KIAA1671: variants seen among roughly 807,000 people sequenced by gnomAD.
The protein encoded by KIAA1671 is uncharacterized protein KIAA1671.
Under a neutral mutation model 131.2 loss-of-function variants are expected in KIAA1671, and 52 were observed. That is an observed-to-expected ratio of 0.40 (90% CI 0.32 to 0.50). The LOEUF (loss-of-function observed/expected upper bound fraction) is 0.50, where lower values mean the gene tolerates loss of function less well. Ranked by LOEUF, KIAA1671 falls within the 20% of genes least tolerant of loss-of-function variation. The pLI, the probability that KIAA1671 is intolerant of heterozygous loss-of-function variation, is 0.73. For missense variants in KIAA1671, 2,360 were observed against 2,364.2 expected (o/e 1.00, Z 0.04); for synonymous variants, 1,003 against 961.6 (o/e 1.04, Z -0.80).
intron 6 of KIAA1671, among the ~76,000 whole-genome samples, chr22:25,103,459 C>T (rs372020844): frequency 5.3e-5 from 8 of 151,884 alleles, no homozygotes; most frequent in Admixed American, 1.3e-4. Flanking sequence ...CCTAGGTTCA[C>T]GCTATTCTCC....
chr22:25,135,576 C>G (rs769781120), intron 6 of KIAA1671, among the ~76,000 whole-genome samples: 10 of 152,154 alleles, frequency 6.6e-5, no homozygotes, highest in Non-Finnish European at 1.0e-4. Flanking sequence ...TTCCCACTCT[C>G]GAAGTCTAAA....
intron 3 of KIAA1671, among the ~76,000 whole-genome samples, chr22:25,032,330 A>G (rs1344722734): frequency 1.3e-5 from 2 of 152,240 alleles, no homozygotes; most frequent in African/African-American, 4.8e-5. Context: ...ATGAAGAAAC[A>G]GAGGCTCAGG....
In KIAA1671 at chr22:25,092,517, G is replaced by T. The variant is rs116957169; in HGVS notation, c.4530+43153G>T. The stretch of plus-strand genomic sequence containing the variant: ...AGCATTTTTGGTGGAGGCTAACCTC[G>T]TAGGATGGAGAACTGTCAAGCCCAG... On this transcript the variant is annotated intron_variant, in intron 6 of 12. Transcript: ENST00000358431. 2.0e-4 allele frequency among the ~76,000 whole-genome samples: 31 copies of T among 152,284 alleles called. 1 individual carries two copies. Among genetic ancestry groups the T allele is most frequent in the Admixed American group, 2.0e-3 (31 of 15,292 alleles).
At chr22:25,063,620 G>A (rs1041195054) in intron 6 of KIAA1671, 7 of 152,118 alleles carry the variant, frequency 4.6e-5, no homozygotes, top group Non-Finnish European at 7.3e-5. Context: ...CACACTGCTC[G>A]GGTGACGGGT....
At chr22:25,049,548 G>A (rs945239193) in intron 6 of KIAA1671, 184 bp downstream of exon 6, 1 of 621,836 alleles carries the variant, frequency 1.6e-6, no homozygotes, top group South Asian at 2.6e-5. Context: ...TGTGGAGGGT[G>A]TTTGGTGGCT....
intron 1 of KIAA1671, among the ~76,000 whole-genome samples, chr22:24,961,232 C>T (rs8135442): frequency 6.6e-6 from 1 of 152,060 alleles, no homozygotes; most frequent in Non-Finnish European, 1.5e-5. Context: ...ACTCCTCAAG[C>T]GATCCTGCTG....
chr22:24,993,281 G>A (rs963069247), intron 1 of KIAA1671, among the ~76,000 whole-genome samples: 3 of 152,114 alleles, frequency 2.0e-5, no homozygotes, highest in Non-Finnish European at 4.4e-5. Flanking sequence ...GTGATTCTGG[G>A]AGAGCCCCAG....
chr22:24,983,932 C>T (rs1464628027), intron 1 of KIAA1671, among the ~76,000 whole-genome samples: 1 of 152,004 alleles, frequency 6.6e-6, no homozygotes, highest in Non-Finnish European at 1.5e-5. Flanking sequence ...GCATGCACCA[C>T]CACGCCCAGC....
chr22:24,966,578 T>C (rs1417616235), intron 1 of KIAA1671, among the ~76,000 whole-genome samples: 3 of 152,212 alleles, frequency 2.0e-5, no homozygotes, highest in Non-Finnish European at 4.4e-5. Context: ...GTTTCTAGAA[T>C]GCTTGCTCAC....
intron 6 of KIAA1671, chr22:25,112,624 A>G (rs753073458): frequency 4.0e-4 from 153 of 383,896 alleles, no homozygotes; most frequent in Non-Finnish European, 6.1e-4. Context: ...TACCTGGGAA[A>G]GAGGCACGTA....
At chr22:25,066,588 C>G (rs570253394) in intron 6 of KIAA1671, among the ~76,000 whole-genome samples, 28 of 152,344 alleles carry the variant, frequency 1.8e-4, no homozygotes, top group African/African-American at 6.3e-4. Flanking sequence ...GAAACACATA[C>G]ATTCAAACCA....
intron 6 of KIAA1671, among the ~76,000 whole-genome samples, chr22:25,107,116 C>T (rs1194505117): frequency 6.6e-6 from 1 of 152,044 alleles, no homozygotes; most frequent in Non-Finnish European, 1.5e-5. Flanking sequence ...TGCTATGTGG[C>T]TGGGGTGCGG....
intron 6 of KIAA1671, among the ~76,000 whole-genome samples, chr22:25,093,255 T>A (rs1930110068): frequency 6.6e-6 from 1 of 152,074 alleles, no homozygotes; most frequent in African/African-American, 2.4e-5. Context: ...GAGGGGCCAG[T>A]TTTGAGCAGG....
intron 1 of KIAA1671, among the ~76,000 whole-genome samples, chr22:24,966,704 G>A (rs1445239854): frequency 1.3e-5 from 2 of 152,190 alleles, no homozygotes; most frequent in East Asian, 3.9e-4. Flanking sequence ...TGTAATCTTA[G>A]TGCTTTGGGA....
chr22:25,140,375 T>C (rs1932789002), intron 6 of KIAA1671, among the ~76,000 whole-genome samples: 1 of 152,198 alleles, frequency 6.6e-6, no homozygotes, highest in South Asian at 2.1e-4. Context: ...TTTCTCTTTT[T>C]TTTTCCTTTT....
At chr22:24,960,317 G>A (rs1223264864) in intron 1 of KIAA1671, among the ~76,000 whole-genome samples, 3 of 150,744 alleles carry the variant, frequency 2.0e-5, no homozygotes, top group African/African-American at 7.3e-5. Flanking sequence ...TTAGGCGGCC[G>A]GGCGGATCAC....
chr22:25,185,087 C>T lies in KIAA1671; in HGVS notation c.5310C>T (p.Arg1770=), dbSNP rs779266035. ...TCCAGCCTGGGGTGCTGGGCAGTCG[C>T]GTGCTGCCTTCCAGCATGGACAAGG... ...SPFQPGVLGS[R]VLPSSMDKDE... Residue 1770 remains arginine, a synonymous_variant, in exon 11 of 13, where the codon CGC becomes CGT. Coordinates refer to ENST00000358431, the MANE Select transcript of KIAA1671 (RefSeq NM_001145206.2). 2.8e-5 allele frequency: 43 copies of T among 1,551,494 alleles called. No homozygotes were observed. The East Asian group carries it at 7.3e-4, about 26-fold the overall frequency.
chr22:25,036,770 A>G (rs921702286), intron 4 of KIAA1671, among the ~76,000 whole-genome samples: 1 of 151,886 alleles, frequency 6.6e-6, no homozygotes, highest in Non-Finnish European at 1.5e-5. Context: ...AATACAAAAA[A>G]AAAATTAGCC....
At chr22:25,165,248 A>G (rs132898) in intron 6 of KIAA1671, among the ~76,000 whole-genome samples, 86,505 of 151,902 alleles carry the variant, frequency 0.57, 25,061 homozygotes, top group East Asian at 0.66. Flanking sequence ...CAAATTTGAC[A>G]GTCTGTGTTA....
Sources: allele counts gnomAD v4.1 joint callset (sites outside exome capture counted in the v4.1 genomes callset), GRCh38; gene constraint gnomAD v4.1.1; transcripts MANE v1.5; gene names NCBI Gene and HGNC (gene_info 2026-07-23, HGNC 2026-07-21).